Variants in MEF2A observed in about 807,000 individuals in gnomAD.
MEF2A encodes the protein myocyte enhancer factor 2A.
Under a neutral mutation model 55.8 loss-of-function variants are expected in MEF2A, and 28 were observed. The ratio of observed to expected loss-of-function variants is 0.50; its 90% CI spans 0.37 to 0.69. The LOEUF (loss-of-function observed/expected upper bound fraction) is 0.69. Ranked by LOEUF, MEF2A falls within the 30% of genes least tolerant of loss-of-function variation. The pLI is 0.00. For synonymous variants in MEF2A, 239 were observed against 227.1 expected (o/e 1.05, Z -0.47); for missense variants, 528 against 626.2 (o/e 0.84, Z 1.67).
At chr15:99,674,720 C>T in intron 6 of MEF2A, 108 bp downstream of exon 6, 2 of 920,346 alleles carry the variant, frequency 2.2e-6, no homozygotes, top group South Asian at 3.2e-5. Flanking sequence ...CTTTGATGAG[C>T]AAGAATCACT....
At chr15:99,645,005 G>A (rs893934468) in intron 3 of MEF2A, among the ~76,000 whole-genome samples, 20 of 151,946 alleles carry the variant, frequency 1.3e-4, no homozygotes, top group African/African-American at 4.6e-4. Flanking sequence ...TTTTTGGGGG[G>A]GTCTCTGTTA....
intron 3 of MEF2A, among the ~76,000 whole-genome samples, chr15:99,633,834 T>C (rs1459488783): frequency 6.6e-6 from 1 of 152,202 alleles, no homozygotes; most frequent in Non-Finnish European, 1.5e-5. Flanking sequence ...CCATCTGTTA[T>C]TGTAAATAAA....
At chr15:99,611,552 T>C (rs1485921859) in intron 2 of MEF2A, among the ~76,000 whole-genome samples, 1 of 152,232 alleles carries the variant, frequency 6.6e-6, no homozygotes, top group African/African-American at 2.4e-5. Flanking sequence ...GAGAAATTAG[T>C]ATCCTCATAC....
At position 99,712,317 on chromosome 15, in the gene MEF2A, G is replaced by T; in HGVS notation, c.1137-73G>T. 25 of 1,455,536 alleles carry T rather than the reference G, an allele frequency of 1.7e-5. No individual in the cohort carries two copies. The highest frequency in any genetic ancestry group is 2.3e-5 in the Non-Finnish European group (25 of 1,103,152). The allele number at this position is 1,455,536 out of a possible 1,614,324, so 90.2% of individuals were successfully genotyped here. On this transcript the variant is annotated intron_variant, in intron 11 of 11. Transcript: ENST00000557942. The surrounding 1 kb of genome is among the most constrained non-coding windows in gnomAD (Gnocchi z 4.1). ...TCTGGGCCCTTTTCCATCAGGCAGT[G>T]TCTCTACTGTATCATCCCAGTTTTG... is the stretch of plus-strand genomic sequence containing the variant.
At chr15:99,592,663 T>G (rs1290167141) in intron 1 of MEF2A, among the ~76,000 whole-genome samples, 1 of 152,142 alleles carries the variant, frequency 6.6e-6, no homozygotes, top group East Asian at 1.9e-4. Context: ...GGGAGCAAGC[T>G]TGTCACATGG....
At chr15:99,665,794 C>G (rs62040143) in intron 4 of MEF2A, among the ~76,000 whole-genome samples, 3,195 of 146,196 alleles carry the variant, frequency 0.022, 67 homozygotes, top group Non-Finnish European at 0.029. Flanking sequence ...ACAGACACTG[C>G]TCAAAAGAAG....
At chr15:99,707,925 A>T (rs1328222628) in intron 10 of MEF2A, among the ~76,000 whole-genome samples, 1 of 145,740 alleles carries the variant, frequency 6.9e-6, no homozygotes, top group Non-Finnish European at 1.5e-5. Flanking sequence ...AATCAACAAT[A>T]AAAGGTTTTA....
intron 7 of MEF2A, among the ~76,000 whole-genome samples, chr15:99,682,559 T>C (rs984229528): frequency 6.6e-6 from 1 of 152,222 alleles, no homozygotes; most frequent in Non-Finnish European, 1.5e-5. Flanking sequence ...AGGGTATATA[T>C]CACTGCACTC....
At chr15:99,621,156 T>C (rs2041104912) in intron 2 of MEF2A, 2 of 152,270 alleles carry the variant, frequency 1.3e-5, no homozygotes, top group African/African-American at 4.8e-5. Context: ...GCCTCACCGA[T>C]GTCTATCTAC....
At chr15:99,672,429 G>C (rs1341588049) in intron 5 of MEF2A, among the ~76,000 whole-genome samples, 2 of 152,172 alleles carry the variant, frequency 1.3e-5, no homozygotes, top group Non-Finnish European at 2.9e-5. Context: ...GTTTTTCAAA[G>C]AATTCTCACT....
intron 8 of MEF2A, among the ~76,000 whole-genome samples, 175 bp from the exon 9 acceptor site, chr15:99,703,184 TGAA>T (rs904500280): frequency 2.4e-4 from 37 of 152,380 alleles, no homozygotes; most frequent in African/African-American, 8.4e-4. Flanking sequence ...TCTAGTCTTT[TGAA>T]AACTCAACAA....
chr15:99,646,276 A>C (rs1596759104), intron 4 of MEF2A, among the ~76,000 whole-genome samples: 1 of 152,234 alleles, frequency 6.6e-6, no homozygotes, highest in East Asian at 1.9e-4. Flanking sequence ...TAGTTCTCCC[A>C]ACCTAATTAA....
At chr15:99,688,494 A>G (rs761341811) in intron 7 of MEF2A, among the ~76,000 whole-genome samples, 3 of 152,192 alleles carry the variant, frequency 2.0e-5, no homozygotes, top group Non-Finnish European at 4.4e-5. Flanking sequence ...ACGTTGGCTC[A>G]TGCCTGTAAT....
chr15:99,683,909 C>A (rs997839385), intron 7 of MEF2A, among the ~76,000 whole-genome samples: 1 of 151,948 alleles, frequency 6.6e-6, no homozygotes, highest in African/African-American at 2.4e-5. Context: ...ATTCTTATGC[C>A]GTTGCATCCT....
intron 2 of MEF2A, among the ~76,000 whole-genome samples, chr15:99,600,868 T>A (rs1273153230): frequency 2.0e-5 from 3 of 152,210 alleles, no homozygotes. Context: ...AGTTGTTTCT[T>A]CTATTCTGGA....
At chr15:99,588,448 C>T (rs185803418) in intron 1 of MEF2A, among the ~76,000 whole-genome samples, 2 of 151,974 alleles carry the variant, frequency 1.3e-5, no homozygotes, top group African/African-American at 2.4e-5. Context: ...ACTACAGGCA[C>T]ACACCACCAT....
intron 4 of MEF2A, among the ~76,000 whole-genome samples, chr15:99,646,718 T>C (rs1042936576): frequency 1.3e-5 from 2 of 152,228 alleles, no homozygotes; most frequent in African/African-American, 4.8e-5. Context: ...AGGAATCTAA[T>C]TTATTTGCCT....
At chr15:99,578,344 C>G (rs1964939077) in intron 1 of MEF2A, among the ~76,000 whole-genome samples, 2 of 152,192 alleles carry the variant, frequency 1.3e-5, no homozygotes, top group African/African-American at 4.8e-5. Context: ...TGTTACTGCT[C>G]AGATCGTTCT....
intron 4 of MEF2A, among the ~76,000 whole-genome samples, chr15:99,649,202 G>T (rs866695003): frequency 5.9e-5 from 9 of 151,752 alleles, no homozygotes; most frequent in Non-Finnish European, 8.8e-5. Context: ...TTAAATTAAG[G>T]TCTGCAGTGT....
Sources: allele counts gnomAD v4.1 joint callset (sites outside exome capture counted in the v4.1 genomes callset), GRCh38; gene constraint gnomAD v4.1.1; non-coding constraint Gnocchi (gnomAD v3.1); transcripts MANE v1.5; gene names NCBI Gene and HGNC (gene_info 2026-07-23, HGNC 2026-07-21).